The following HIVEP3 variants were observed in gnomAD, a reference collection of about 807,000 sequenced individuals.
The protein encoded by HIVEP3 is HIVEP zinc finger 3.
A neutral mutation model predicts 152.8 loss-of-function variants in HIVEP3; 49 were observed. The ratio of observed to expected loss-of-function variants is 0.32; its 90% CI spans 0.26 to 0.41. The LOEUF (loss-of-function observed/expected upper bound fraction) is 0.41. HIVEP3 is among the 10% of genes least tolerant of loss of function. The probability of loss-of-function intolerance (pLI) is 1.00; values close to 1 mark genes in which losing one functional copy is unlikely to be tolerated. For missense variants in HIVEP3, 2,790 were observed against 3,103.3 expected, an observed-to-expected ratio of 0.90 and a Z score of 2.40; for synonymous variants, 1,269 against 1,289.0, an observed-to-expected ratio of 0.98 and a Z score of 0.33.
intron 7 of HIVEP3, 38 bp from the exon 8 acceptor site, chr1:41,513,788 G>A: frequency 1.3e-6 from 2 of 1,490,090 alleles, no homozygotes; most frequent in East Asian, 2.3e-5. Context: ...TCACAGTTGG[G>A]CCTTGGCCCC....
intron 5 of HIVEP3, among the ~76,000 whole-genome samples, chr1:41,559,963 A>G (rs1235797975): frequency 6.6e-6 from 1 of 152,230 alleles, no homozygotes; most frequent in Admixed American, 6.5e-5. Flanking sequence ...CAAGGCACAG[A>G]GCAGTTACAT....
In HIVEP3 at chr1:41,510,839, C is replaced by G. The variant is rs566893102; in HGVS notation, c.6833G>C (p.Arg2278Thr). Reference sequence around the variant, plus strand: ...GCCCGGGCCTCCGCCGGTCCTCTCCCTCTCCTTGGGGTAGTCCCCGCCCTC... The same window carrying G: ...GCCCGGGCCTCCGCCGGTCCTCTCCGTCTCCTTGGGGTAGTCCCCGCCCTC... Reference protein sequence around the residue: ...ELEGGDYPKERERTGGGPGRP... With the variant: ...ELEGGDYPKETERTGGGPGRP... The change falls in exon 9 of 9, where the codon AGG (arginine) becomes ACG (threonine). Residue 2278 changes from arginine (R) to threonine (T), a missense_variant. By Grantham distance (71) the Arg-to-Thr change is moderately conservative. Transcript: ENST00000372583. 1.5e-5 allele frequency: 25 copies of G among 1,613,202 alleles called. No homozygotes were observed. The African/African-American group carries it at 3.3e-4, about 21-fold the overall frequency.
At chr1:42,029,061 G>T (rs72672734) in intron 1 of HIVEP3, among the ~76,000 whole-genome samples, 2,418 of 152,294 alleles carry the variant, frequency 0.016, 51 homozygotes, top group African/African-American at 0.051. Flanking sequence ...TATGCAGACT[G>T]AAGAATATAC....
chr1:41,739,555 A>G (rs912365229), intron 1 of HIVEP3, among the ~76,000 whole-genome samples: 16 of 151,820 alleles, frequency 1.1e-4, no homozygotes, highest in African/African-American at 3.6e-4. Context: ...TACCCAGCTC[A>G]GCAGAGAAAA....
In HIVEP3 at chr1:41,506,604, G is replaced by GT. The variant is rs61575744; in HGVS notation, c.*3846dup. Reference sequence around the variant, plus strand: ...GCGTGGATTTTTGTTTTTTTTTTTTGTTTGTTTCTGTTTTGTTTTTTCTTT... The same window carrying GT: ...GCGTGGATTTTTGTTTTTTTTTTTTGTTTTGTTTCTGTTTTGTTTTTTCTTT... On this transcript the variant is annotated 3_prime_UTR_variant, in exon 9 of 9. Transcript: ENST00000372583. 24,419 of 54,650 alleles carry GT rather than the reference G, an allele frequency of 0.45. 3,579 individuals carry two copies. The highest frequency in any genetic ancestry group is 0.51 in the African/African-American group (16,128 of 31,606). 3.4% of individuals were successfully genotyped at this position (54,650 alleles called of 1,614,324 possible). A position where few individuals can be genotyped will look rare whatever the true frequency, so the allele number is the denominator to read the frequency against.
intron 1 of HIVEP3, among the ~76,000 whole-genome samples, chr1:41,722,425 C>T (rs1487410356): frequency 2.0e-5 from 3 of 148,704 alleles, no homozygotes; most frequent in South Asian, 2.2e-4. Context: ...TCCTTCCTTC[C>T]TTCCTTCCTT....
At chr1:41,743,331 T>C (rs548343707) in intron 1 of HIVEP3, among the ~76,000 whole-genome samples, 1 of 152,304 alleles carries the variant, frequency 6.6e-6, no homozygotes, top group Admixed American at 6.5e-5. Flanking sequence ...TGCCACCACG[T>C]AAGCTTTGTA....
At chr1:41,676,056 C>A (rs1354759764) in intron 2 of HIVEP3, among the ~76,000 whole-genome samples, 4 of 149,154 alleles carry the variant, frequency 2.7e-5, no homozygotes, top group Non-Finnish European at 5.9e-5. Flanking sequence ...CTTTTCTTTT[C>A]TTTCTTTTTT....
chr1:41,592,413 A>G (rs1297813767), intron 3 of HIVEP3, among the ~76,000 whole-genome samples: 1 of 152,240 alleles, frequency 6.6e-6, no homozygotes, highest in East Asian at 1.9e-4. Context: ...AGTGTGGCCA[A>G]CTGAAAAATA....
chr1:41,510,571 G>A lies in HIVEP3; in HGVS notation c.7101C>T (p.Ala2367=), dbSNP rs746384040. The part of the protein sequence containing the change: ...CLAEASARFP[A]RTRNLSGEPR... The stretch of plus-strand genomic sequence containing the variant: ...GTTCCCCGGAGAGGTTCCTCGTCCG[G>A]GCTGGGAAGCGGGCAGAGGCCTCTG... The change falls in exon 9 of 9, where the codon GCC becomes GCT. Residue 2367 remains alanine (A), a synonymous_variant. Transcript: ENST00000372583. The A allele has an allele frequency of 1.4e-5, 22 of 1,563,670 alleles. No homozygotes were observed. In the Admixed American group the frequency reaches 4.2e-4, roughly 30 times the overall value.
chr1:41,867,285 T>G (rs1297511148), intron 1 of HIVEP3, among the ~76,000 whole-genome samples: 2 of 152,216 alleles, frequency 1.3e-5, no homozygotes, highest in Non-Finnish European at 2.9e-5. Flanking sequence ...ATTGGCAAGC[T>G]TTTTCTATAA....
At chr1:41,653,694 C>T (rs1022034770) in intron 2 of HIVEP3, among the ~76,000 whole-genome samples, 2 of 152,268 alleles carry the variant, frequency 1.3e-5, no homozygotes, top group African/African-American at 4.8e-5. Flanking sequence ...ACCAAATGTT[C>T]GCATGCCAAG....
chr1:41,591,410 G>A (rs1644585054), intron 3 of HIVEP3, among the ~76,000 whole-genome samples: 1 of 152,184 alleles, frequency 6.6e-6, no homozygotes, highest in Non-Finnish European at 1.5e-5. Flanking sequence ...CTGGAGCCAA[G>A]TGGTCCTAGC....
chr1:42,017,720 T>G (rs776733288), intron 1 of HIVEP3, among the ~76,000 whole-genome samples: 1 of 152,198 alleles, frequency 6.6e-6, no homozygotes, highest in African/African-American at 2.4e-5. Context: ...ATGAATGCTA[T>G]GTACCTTCTT....
At chr1:41,956,198 C>T (rs1391151672) in intron 1 of HIVEP3, among the ~76,000 whole-genome samples, 3 of 152,238 alleles carry the variant, frequency 2.0e-5, no homozygotes, top group Non-Finnish European at 4.4e-5. Flanking sequence ...TGGATTTTCA[C>T]TCTTTAGCCC....
chr1:41,828,307 A>G (rs1642861679), intron 1 of HIVEP3, among the ~76,000 whole-genome samples: 1 of 152,206 alleles, frequency 6.6e-6, no homozygotes, highest in Non-Finnish European at 1.5e-5. Context: ...GATGTTCACA[A>G]TGATCTTTGG....
intron 1 of HIVEP3, among the ~76,000 whole-genome samples, chr1:41,811,695 G>C (rs1650969901): frequency 6.6e-6 from 1 of 151,894 alleles, no homozygotes; most frequent in African/African-American, 2.4e-5. Context: ...ACCACGGGGA[G>C]GGGGTGGGGA....
rs1470899055 is a variant in HIVEP3 at position 41,533,443 on chromosome 1, T to C, written c.5208-8533A>G. Among the ~76,000 whole-genome samples, 1 of 151,766 alleles carries C rather than the reference T, an allele frequency of 6.6e-6. No homozygotes were observed. Among genetic ancestry groups the C allele is most frequent in the African/African-American group, 2.4e-5 (1 of 41,280 alleles). ...AGCCCCAAGCCTCCCTGGGCCCAAATCCCGGGCCAGCTCTGCTGTCCCTCT... is the reference window on the plus strand; with the variant it reads ...AGCCCCAAGCCTCCCTGGGCCCAAACCCCGGGCCAGCTCTGCTGTCCCTCT... On this transcript the variant is annotated intron_variant, in intron 5 of 8. Transcript: ENST00000372583. This position sits in a 1 kb window ranked among gnomAD's most constrained non-coding sequence, Gnocchi z 4.3.
At chr1:41,960,704 G>C (rs1645165096) in intron 1 of HIVEP3, among the ~76,000 whole-genome samples, 1 of 152,132 alleles carries the variant, frequency 6.6e-6, no homozygotes, top group Non-Finnish European at 1.5e-5. Flanking sequence ...TCTAGGCCCT[G>C]TTTCTAGGTG....
Sources: gnomAD v4.1 joint callset for allele counts (sites outside exome capture counted in the v4.1 genomes callset) on GRCh38, gnomAD v4.1.1 for gene constraint, Gnocchi (gnomAD v3.1) non-coding constraint, MANE v1.5 for transcripts, NCBI Gene and HGNC (gene_info 2026-07-23, HGNC 2026-07-21) for gene names.